VMP1: variants seen among roughly 807,000 people sequenced by gnomAD.
VMP1 encodes the protein ectopic P-granules autophagy protein 3 homolog.
In VMP1, 11 loss-of-function variants were observed where a neutral mutation model predicts 56.0. The ratio of observed to expected loss-of-function variants is 0.20; its 90% CI spans 0.12 to 0.32. The LOEUF (loss-of-function observed/expected upper bound fraction) is 0.32. VMP1 is among the 10% of genes least tolerant of loss of function. VMP1 has a pLI of 1.00. For missense variants in VMP1, 296 were observed against 490.3 expected, an observed-to-expected ratio of 0.60 and a Z score of 3.74; for synonymous variants, 149 against 165.0, an observed-to-expected ratio of 0.90 and a Z score of 0.74.
At chr17:59,795,631 G>A (rs2037412528) in intron 7 of VMP1, among the ~76,000 whole-genome samples, 1 of 151,546 alleles carries the variant, frequency 6.6e-6, no homozygotes, top group Non-Finnish European at 1.5e-5. Context: ...GCAACATGGT[G>A]AAATCCTCTC....
chr17:59,717,485 C>T (rs954808130), intron 1 of VMP1, among the ~76,000 whole-genome samples: 2 of 152,090 alleles, frequency 1.3e-5, no homozygotes, highest in South Asian at 2.1e-4. Context: ...CAGGCTCAAG[C>T]GATTCTTGTG....
Position 59,841,043 on chromosome 17 carries a change from T to G in VMP1, c.*1132T>G. 1 of 187,982 alleles carries G rather than the reference T, an allele frequency of 5.3e-6. No individual in the cohort carries two copies. The highest frequency in any genetic ancestry group is 7.7e-5 in the South Asian group (1 of 13,008). The allele number at this position is 187,982 out of a possible 1,614,324, so 11.6% of individuals were successfully genotyped here. ...ATTGGGATGTTTTTGATTGAACTTG[T>G]TCATTTTGTTTTGCTTGGGAGGAAA... On this transcript the variant is annotated 3_prime_UTR_variant, in exon 12 of 12. Coordinates refer to ENST00000262291, the MANE Select transcript of VMP1 (RefSeq NM_030938.5).
intron 1 of VMP1, among the ~76,000 whole-genome samples, chr17:59,731,097 AGTT>A (rs2034805977): frequency 6.6e-6 from 1 of 152,184 alleles, no homozygotes; most frequent in Admixed American, 6.5e-5. Context: ...TAACATTTGG[AGTT>A]ACTAGTGCTT....
At chr17:59,722,536 A>G (rs551019516) in intron 1 of VMP1, among the ~76,000 whole-genome samples, 4 of 152,236 alleles carry the variant, frequency 2.6e-5, no homozygotes, top group African/African-American at 9.6e-5. Context: ...CTGTACTCCC[A>G]ATTTGATTAG....
intron 1 of VMP1, among the ~76,000 whole-genome samples, chr17:59,728,840 C>G (rs2034708270): frequency 6.6e-6 from 1 of 152,074 alleles, no homozygotes; most frequent in Non-Finnish European, 1.5e-5. Flanking sequence ...TCATATAATT[C>G]ACCCATTTAA....
At chr17:59,740,771 G>T (rs534851375) in intron 5 of VMP1, among the ~76,000 whole-genome samples, 44 of 152,284 alleles carry the variant, frequency 2.9e-4, no homozygotes, top group Admixed American at 5.2e-4. Context: ...GGAATTACAG[G>T]TTACAGGATA....
At chr17:59,785,394 C>T (rs2036972047) in intron 7 of VMP1, among the ~76,000 whole-genome samples, 1 of 152,054 alleles carries the variant, frequency 6.6e-6, no homozygotes. Flanking sequence ...AATATCGGGG[C>T]CTGGCATGAT....
chr17:59,728,239 C>G (rs996201963), intron 1 of VMP1, among the ~76,000 whole-genome samples: 1 of 152,084 alleles, frequency 6.6e-6, no homozygotes, highest in Non-Finnish European at 1.5e-5. Flanking sequence ...AATAAATTAG[C>G]ACCAGCTATC....
chr17:59,748,089 G>A (rs978408471), intron 5 of VMP1, among the ~76,000 whole-genome samples: 12 of 151,358 alleles, frequency 7.9e-5, no homozygotes, highest in Admixed American at 2.0e-4. Flanking sequence ...CCAGCTACTC[G>A]GCAGGCTGAG....
intron 9 of VMP1, among the ~76,000 whole-genome samples, chr17:59,816,004 A>C (rs1199090767): frequency 6.6e-6 from 1 of 150,386 alleles, no homozygotes; most frequent in Non-Finnish European, 1.5e-5. Context: ...TCTTCTATGC[A>C]TGTGGTTAAG....
intron 7 of VMP1, among the ~76,000 whole-genome samples, chr17:59,803,010 G>T (rs1568177127): frequency 1.3e-5 from 2 of 152,234 alleles, no homozygotes; most frequent in Non-Finnish European, 2.9e-5. Context: ...CCTCCAAAGT[G>T]CTGGGATTAC....
At chr17:59,815,661 G>A (rs909024741) in intron 9 of VMP1, among the ~76,000 whole-genome samples, 1 of 151,336 alleles carries the variant, frequency 6.6e-6, no homozygotes, top group Non-Finnish European at 1.5e-5. Context: ...AGACCATCCT[G>A]GCTAACACGG....
intron 5 of VMP1, among the ~76,000 whole-genome samples, chr17:59,757,606 T>G (rs1030120843): frequency 6.6e-6 from 1 of 152,152 alleles, no homozygotes; most frequent in African/African-American, 2.4e-5. Flanking sequence ...TAAGTATAGT[T>G]TGCTCTCACC....
intron 5 of VMP1, among the ~76,000 whole-genome samples, chr17:59,753,775 T>A (rs936598992): frequency 2.6e-5 from 4 of 152,220 alleles, no homozygotes; most frequent in African/African-American, 9.6e-5. Context: ...TATTTAGCTA[T>A]AAGTAGAAGG....
At chr17:59,751,600 G>A (rs374295603) in intron 5 of VMP1, among the ~76,000 whole-genome samples, 24 of 136,594 alleles carry the variant, frequency 1.8e-4, no homozygotes, top group African/African-American at 6.8e-4. Context: ...AAATTAGCTG[G>A]GCGTGGTGGG....
intron 5 of VMP1, among the ~76,000 whole-genome samples, chr17:59,743,978 A>G (rs2143863099): frequency 6.6e-6 from 1 of 152,108 alleles, no homozygotes; most frequent in Middle Eastern, 3.4e-3. Flanking sequence ...CCCAACCTTA[A>G]TGGGAAGGCC....
Position 59,742,428 on chromosome 17 carries a change from G to A in VMP1, c.414+3481G>A, listed in dbSNP as rs142447428. Among the ~76,000 whole-genome samples the A allele has an allele frequency of 9.2e-5, 14 of 151,880 alleles. No homozygotes were observed. In the East Asian group the frequency reaches 2.7e-3, roughly 29 times the overall value. ...GCTCCTTGGGAGGCTAAGGAGGGAG[G>A]ATTGCTTGAGCCCAGAAGCTCAAGG... On this transcript the variant is annotated intron_variant, in intron 5 of 11. Transcript: ENST00000262291.
chr17:59,792,122 A>T (rs1598400907), intron 7 of VMP1, among the ~76,000 whole-genome samples: 2 of 152,128 alleles, frequency 1.3e-5, no homozygotes, highest in South Asian at 2.1e-4. Flanking sequence ...CAAAAAAGTT[A>T]AAAAATTAAT....
chr17:59,840,610 G>C lies in VMP1; in HGVS notation c.*699G>C, dbSNP rs2144365703. The C allele has an allele frequency of 6.6e-6, 1 of 152,614 alleles. No individual in the cohort carries two copies. Among genetic ancestry groups the C allele is most frequent in the East Asian group, 1.9e-4 (1 of 5,182 alleles). The allele number at this position is 152,614 out of a possible 1,614,324, so 9.5% of individuals were successfully genotyped here. ...ATTCCAAAATTGTGTCCGTTTTCTT[G>C]AGCGTTTTGATTTTTTACTTTTAGC... On this transcript the variant is annotated 3_prime_UTR_variant, in exon 12 of 12. Coordinates refer to ENST00000262291, the MANE Select transcript of VMP1 (RefSeq NM_030938.5).
Sources: gnomAD v4.1 joint callset for allele counts (sites outside exome capture counted in the v4.1 genomes callset) on GRCh38, gnomAD v4.1.1 for gene constraint, MANE v1.5 for transcripts, NCBI Gene and HGNC (gene_info 2026-07-23, HGNC 2026-07-21) for gene names.